ATXN2: variants seen among roughly 807,000 people sequenced by gnomAD.
ATXN2 encodes the protein ataxin-2.
In ATXN2, 37 loss-of-function variants were observed where a neutral mutation model predicts 138.6. The ratio of observed to expected loss-of-function variants is 0.27; its 90% CI spans 0.21 to 0.35. The LOEUF (loss-of-function observed/expected upper bound fraction) is 0.35. ATXN2 is among the 10% of genes least tolerant of loss of function. The pLI, the probability that ATXN2 is intolerant of heterozygous loss-of-function variation, is 1.00. For missense variants in ATXN2, 1,216 were observed against 1,480.3 expected (o/e 0.82, Z 2.93); for synonymous variants, 549 against 543.7 (o/e 1.01, Z -0.13).
At chr12:111,581,384 C>G in intron 1 of ATXN2, 1 of 673,578 alleles carries the variant, frequency 1.5e-6, no homozygotes, top group Non-Finnish European at 2.8e-6. Flanking sequence ...ACACCATGAA[C>G]CACAATGTCC....
chr12:111,479,575 AC>A (rs930594399), intron 18 of ATXN2, among the ~76,000 whole-genome samples: 2 of 152,118 alleles, frequency 1.3e-5, no homozygotes, highest in Non-Finnish European at 2.9e-5. Flanking sequence ...GCTGATACTA[AC>A]ATGAAATTCA....
intron 14 of ATXN2, among the ~76,000 whole-genome samples, chr12:111,492,050 C>T (rs969972971): frequency 1.3e-5 from 2 of 152,180 alleles, no homozygotes; most frequent in Admixed American, 1.3e-4. Flanking sequence ...CTTAAATTAA[C>T]ATCAGTGGTG....
intron 5 of ATXN2, among the ~76,000 whole-genome samples, chr12:111,536,789 T>TG (rs1566050116): frequency 6.8e-6 from 1 of 147,058 alleles, no homozygotes; most frequent in East Asian, 2.0e-4. Context: ...TTTTTTTTTT[T>TG]TTTTTTTTTT....
rs991265244 is a variant in ATXN2 at position 111,552,190 on chromosome 12, C to T, written c.571+90G>A. The T allele has an allele frequency of 9.4e-6, 13 of 1,390,156 alleles. No homozygotes were observed. The Admixed American group carries it at 3.3e-4, about 35-fold the overall frequency. 86.1% of individuals were successfully genotyped at this position (1,390,156 alleles called of 1,614,324 possible). ...GCCGCCATACCCAGCCCAGATATTT[C>T]TTTAAAAAAAGTTTGTAAGATCACT... is the stretch of plus-strand genomic sequence containing the variant. On this transcript the variant is annotated intron_variant, in intron 5 of 24. Coordinates refer to ENST00000673436, the MANE Select transcript of ATXN2 (RefSeq NM_001372574.1). This position sits in a 1 kb window ranked among gnomAD's most constrained non-coding sequence, Gnocchi z 4.1.
chr12:111,508,441 C>CTTTTTTTT (rs66643315), intron 14 of ATXN2, among the ~76,000 whole-genome samples: 22 of 85,656 alleles, frequency 2.6e-4, no homozygotes, highest in East Asian at 9.1e-4. Context: ...AATTGAAAAA[C>CTTTTTTTT]TTTTTTTTTT....
Position 111,552,472 on chromosome 12 carries a change from A to G in ATXN2, c.421-42T>C. On this transcript the variant is annotated intron_variant, in intron 4 of 24. Coordinates refer to ENST00000673436, the MANE Select transcript of ATXN2 (RefSeq NM_001372574.1). The surrounding 1 kb of genome is among the most constrained non-coding windows in gnomAD (Gnocchi z 4.1). ...AAGTAAGTACTCCAAACCTTTACAA[A>G]ATAAAATTTGTTAGGAATTCTTTAG... is the stretch of plus-strand genomic sequence containing the variant. 1 of 1,559,342 alleles carries G rather than the reference A, an allele frequency of 6.4e-7. No homozygotes were observed. The highest frequency in any genetic ancestry group is 8.6e-7 in the Non-Finnish European group (1 of 1,159,836).
intron 14 of ATXN2, among the ~76,000 whole-genome samples, chr12:111,506,186 G>A (rs1270219703): frequency 1.3e-5 from 2 of 152,186 alleles, no homozygotes; most frequent in African/African-American, 4.8e-5. Context: ...CGGTTGCTTA[G>A]GGTTGGGAGT....
intron 1 of ATXN2, among the ~76,000 whole-genome samples, chr12:111,575,098 A>G (rs963598623): frequency 2.6e-5 from 4 of 151,968 alleles, no homozygotes; most frequent in African/African-American, 7.3e-5. Flanking sequence ...TTTAATTATG[A>G]CCCTAATCAA....
intron 5 of ATXN2, among the ~76,000 whole-genome samples, chr12:111,551,777 T>C (rs1174893890): frequency 6.6e-6 from 1 of 152,246 alleles, no homozygotes; most frequent in African/African-American, 2.4e-5. Context: ...CTATTTAATT[T>C]TTCTCTAAAG....
chr12:111,453,895 C>T lies in ATXN2; in HGVS notation c.3271-50G>A, dbSNP rs895647431. The T allele has an allele frequency of 6.5e-7, 1 of 1,544,420 alleles. No individual in the cohort carries two copies. Among genetic ancestry groups the T allele is most frequent in the Non-Finnish European group, 8.8e-7 (1 of 1,136,260 alleles). ...ATACAGGCAACATCTCCGGCTTCAA[C>T]AACATGTCAACTGTGTTCCTTTCAC... is the stretch of plus-strand genomic sequence containing the variant. On this transcript the variant is annotated intron_variant, in intron 23 of 24. Transcript: ENST00000673436. This position sits in a 1 kb window ranked among gnomAD's most constrained non-coding sequence, Gnocchi z 5.4.
chr12:111,574,308 C>CAAAAA (rs997437123), intron 1 of ATXN2, among the ~76,000 whole-genome samples: 9 of 32,590 alleles, frequency 2.8e-4, no homozygotes, highest in African/African-American at 7.9e-4. Context: ...ACTCTGTCTC[C>CAAAAA]AAAAAAAAAA....
intron 18 of ATXN2, chr12:111,471,671 C>T (rs1019775830): frequency 6.6e-6 from 1 of 151,884 alleles, no homozygotes; most frequent in Non-Finnish European, 1.5e-5. Context: ...GAGCTAGTTA[C>T]ATATTATTTT....
chr12:111,478,473 AAAAC>A (rs1744691448), intron 18 of ATXN2, among the ~76,000 whole-genome samples: 1 of 152,190 alleles, frequency 6.6e-6, no homozygotes, highest in Non-Finnish European at 1.5e-5. Flanking sequence ...TTGACAGCTG[AAAAC>A]AAACACACAC....
chr12:111,497,896 G>A (rs755483753), intron 14 of ATXN2, among the ~76,000 whole-genome samples: 1 of 151,986 alleles, frequency 6.6e-6, no homozygotes, highest in Admixed American at 6.6e-5. Flanking sequence ...GACACCTGTA[G>A]TCCCAGCTAC....
rs529525526 is a variant in ATXN2 at position 111,494,026 on chromosome 12, G to A, written c.1936-5246C>T. On this transcript the variant is annotated intron_variant, in intron 14 of 24. Coordinates refer to ENST00000673436, the MANE Select transcript of ATXN2 (RefSeq NM_001372574.1). ...GCTCACTGCAACCTGGGCCTCCTGGGTTCAAGTGATTCTCCTGCCTCAGCC... is the reference window on the plus strand; with the variant it reads ...GCTCACTGCAACCTGGGCCTCCTGGATTCAAGTGATTCTCCTGCCTCAGCC... Among the ~76,000 whole-genome samples the A allele has an allele frequency of 6.0e-4, 92 of 152,174 alleles. 1 individual carries two copies. Among genetic ancestry groups the A allele is most frequent in the Non-Finnish European group, 1.2e-3 (83 of 67,994 alleles).
chr12:111,505,252 G>C (rs986178551), intron 14 of ATXN2, among the ~76,000 whole-genome samples: 2 of 151,998 alleles, frequency 1.3e-5, no homozygotes, highest in Non-Finnish European at 2.9e-5. Context: ...ACCTCTAAAT[G>C]TAATTCTTAA....
At chr12:111,586,936 G>C (rs1884373725) in intron 1 of ATXN2, among the ~76,000 whole-genome samples, 2 of 152,042 alleles carry the variant, frequency 1.3e-5, no homozygotes, top group African/African-American at 2.4e-5. Flanking sequence ...AAGAAAGCTA[G>C]ATAGAATCAT....
intron 5 of ATXN2, among the ~76,000 whole-genome samples, chr12:111,543,429 C>T (rs1049023360): frequency 3.3e-5 from 5 of 152,174 alleles, no homozygotes; most frequent in Admixed American, 2.6e-4. Flanking sequence ...AAAATCTACA[C>T]AATTCTTTTA....
chr12:111,561,084 C>T (rs1043005655), intron 1 of ATXN2, among the ~76,000 whole-genome samples: 1 of 150,650 alleles, frequency 6.6e-6, no homozygotes, highest in African/African-American at 2.4e-5. Flanking sequence ...ACTCAGGAGG[C>T]TAAGGCAGGA....
Sources: gnomAD v4.1 joint callset for allele counts (sites outside exome capture counted in the v4.1 genomes callset) on GRCh38, gnomAD v4.1.1 for gene constraint, Gnocchi (gnomAD v3.1) non-coding constraint, MANE v1.5 for transcripts, NCBI Gene and HGNC (gene_info 2026-07-23, HGNC 2026-07-21) for gene names.